Variants in TTC9 observed in about 807,000 individuals in gnomAD.
TTC9 encodes the protein tetratricopeptide repeat protein 9A.
In TTC9, 13 loss-of-function variants were observed where a neutral mutation model predicts 22.9. The observed-to-expected ratio is 0.57, with a 90% CI of 0.37 to 0.90. The LOEUF (loss-of-function observed/expected upper bound fraction) is 0.90, where lower values mean the gene tolerates loss of function less well. Among genes scored for constraint, TTC9 ranks in the 40% least tolerant of loss-of-function variants. The pLI, the probability that TTC9 is intolerant of heterozygous loss-of-function variation, is 0.01. For synonymous variants in TTC9, 148 were observed against 133.2 expected, an observed-to-expected ratio of 1.11 and a Z score of -0.77; for missense variants, 280 against 291.8, an observed-to-expected ratio of 0.96 and a Z score of 0.29.
chr14:70,642,027 G>A lies in TTC9; in HGVS notation c.-103G>A. 1 of 808,996 alleles carries A rather than the reference G, an allele frequency of 1.2e-6. No individual in the cohort carries two copies. Among genetic ancestry groups the A allele is most frequent in the Non-Finnish European group, 1.5e-6 (1 of 664,644 alleles). 50.1% of individuals were successfully genotyped at this position (808,996 alleles called of 1,614,324 possible). A position where few individuals can be genotyped will look rare whatever the true frequency, so the allele number is the denominator to read the frequency against. Reference sequence around the variant, plus strand: ...GTCACGGCCGCCACGAAGCCTGCGAGGCGCGGGGCCGGCGCCCGCGGCTTT... The same window carrying A: ...GTCACGGCCGCCACGAAGCCTGCGAAGCGCGGGGCCGGCGCCCGCGGCTTT... On this transcript the variant is annotated 5_prime_UTR_variant, in exon 1 of 3. Transcript: ENST00000256367.
chr14:70,670,429 G>A (rs1235430431), intron 2 of TTC9, among the ~76,000 whole-genome samples: 2 of 152,118 alleles, frequency 1.3e-5, no homozygotes, highest in African/African-American at 4.8e-5. Context: ...AGGCCAAGGT[G>A]GGCAGATCAC....
intron 1 of TTC9, among the ~76,000 whole-genome samples, chr14:70,657,411 T>C (rs1886082044): frequency 6.6e-6 from 1 of 152,030 alleles, no homozygotes; most frequent in Admixed American, 6.6e-5. Context: ...TTGGTTATGA[T>C]GAAAAGGAGA....
At chr14:70,650,259 C>T (rs938142439) in intron 1 of TTC9, among the ~76,000 whole-genome samples, 4 of 152,122 alleles carry the variant, frequency 2.6e-5, no homozygotes, top group South Asian at 4.1e-4. Context: ...CCTGTCTCTA[C>T]TAAAAATACA....
Position 70,674,054 on chromosome 14 carries a change from A to G in TTC9, c.*2899A>G, listed in dbSNP as rs1886334241. ...GCTGAATTTTCTGTGCATTTGTCCA[A>G]CAAAGGCTTTAGAGCACAAAACCAG... is the stretch of plus-strand genomic sequence containing the variant. On this transcript the variant is annotated 3_prime_UTR_variant, in exon 3 of 3. Transcript: ENST00000256367. 1.3e-5 allele frequency: 2 copies of G among 152,180 alleles called. No individual in the cohort carries two copies. The highest frequency in any genetic ancestry group is 6.5e-5 in the Admixed American group (1 of 15,268). The allele number at this position is 152,180 out of a possible 1,614,324, so 9.4% of individuals were successfully genotyped here.
chr14:70,669,085 G>T (rs1233002424), intron 2 of TTC9, among the ~76,000 whole-genome samples: 1 of 151,902 alleles, frequency 6.6e-6, no homozygotes, highest in Admixed American at 6.6e-5. Context: ...GAACCCAGGA[G>T]GCGGAGGTTG....
intron 2 of TTC9, among the ~76,000 whole-genome samples, chr14:70,670,690 C>A (rs775079175): frequency 2.0e-4 from 30 of 152,024 alleles, no homozygotes; most frequent in Non-Finnish European, 3.5e-4. Context: ...TTGTTTCTTG[C>A]AGATGGTACA....
chr14:70,667,348 A>G (rs1886229337), intron 1 of TTC9, among the ~76,000 whole-genome samples: 1 of 152,208 alleles, frequency 6.6e-6, no homozygotes, highest in Non-Finnish European at 1.5e-5. Context: ...TCAACCCATA[A>G]TACAAGGTTA....
At chr14:70,670,909 G>A (rs976769215) in intron 2 of TTC9, among the ~76,000 whole-genome samples, 167 bp from the exon 3 acceptor site, 4 of 152,078 alleles carry the variant, frequency 2.6e-5, no homozygotes, top group South Asian at 2.1e-4. Context: ...GTGAAGGAGA[G>A]GGTCGACATC....
rs772397170 is a variant in TTC9 at position 70,653,269 on chromosome 14, G to T, written c.406+10734G>T. Among the ~76,000 whole-genome samples the T allele has an allele frequency of 1.3e-3, 193 of 152,176 alleles. 5 individuals carry two copies. Among genetic ancestry groups the T allele is most frequent in the Non-Finnish European group, 4.0e-4 (27 of 68,034 alleles). ...AAATATAGGGAAAGAGAGAGGGAAA[G>T]AATGCAGCAAAGAAGGCTATGGGGA... On this transcript the variant is annotated intron_variant, in intron 1 of 2. Coordinates refer to ENST00000256367, the MANE Select transcript of TTC9 (RefSeq NM_015351.2).
chr14:70,646,002 T>A (rs1224814198), intron 1 of TTC9, among the ~76,000 whole-genome samples: 3 of 152,190 alleles, frequency 2.0e-5, no homozygotes, highest in African/African-American at 7.2e-5. Context: ...TCCAAAAGAA[T>A]AGCAAGAGGA....
rs553742132 is a variant in TTC9 at position 70,662,852 on chromosome 14, C to T, written c.407-4712C>T. ...TCCTTAATTCAAACAGAGACCAGGT[C>T]ACCACAACATGGAGAAACACTTCTC... On this transcript the variant is annotated intron_variant, in intron 1 of 2. Coordinates refer to ENST00000256367, the MANE Select transcript of TTC9 (RefSeq NM_015351.2). Among the ~76,000 whole-genome samples, 8 of 152,330 alleles carry T rather than the reference C, an allele frequency of 5.3e-5. No homozygotes were observed. The South Asian group carries it at 1.7e-3, about 32-fold the overall frequency.
rs1007935305 is a variant in TTC9, at chr14:70,671,177, G to A, written c.*22G>A. 1 of 1,610,026 alleles carries A rather than the reference G, an allele frequency of 6.2e-7. No homozygotes were observed. The highest frequency in any genetic ancestry group is 8.5e-7 in the Non-Finnish European group (1 of 1,177,180). On this transcript the variant is annotated 3_prime_UTR_variant, in exon 3 of 3. Coordinates refer to ENST00000256367, the MANE Select transcript of TTC9 (RefSeq NM_015351.2). ...GTAACCAGGAAGCAGCTCCAGAGCTGCGCCCACGCCTGACCGGGGACTTCC... is the reference window on the plus strand; with the variant it reads ...GTAACCAGGAAGCAGCTCCAGAGCTACGCCCACGCCTGACCGGGGACTTCC...
chr14:70,656,636 A>C (rs921824816), intron 1 of TTC9, among the ~76,000 whole-genome samples: 6 of 152,182 alleles, frequency 3.9e-5, no homozygotes, highest in African/African-American at 1.4e-4. Flanking sequence ...CAAAAAGAGA[A>C]CAGGATAGAA....
intron 1 of TTC9, among the ~76,000 whole-genome samples, chr14:70,662,307 G>A (rs1886154681): frequency 6.6e-6 from 1 of 151,674 alleles, no homozygotes; most frequent in Non-Finnish European, 1.5e-5. Flanking sequence ...AGCCTCCTCT[G>A]CTCATGATGA....
intron 1 of TTC9, among the ~76,000 whole-genome samples, chr14:70,659,545 G>A (rs1886116627): frequency 6.6e-6 from 1 of 152,096 alleles, no homozygotes; most frequent in Admixed American, 6.6e-5. Flanking sequence ...GCAGGAGGAG[G>A]GGAAACTTTG....
At chr14:70,649,177 C>T (rs1263817912) in intron 1 of TTC9, among the ~76,000 whole-genome samples, 1 of 152,110 alleles carries the variant, frequency 6.6e-6, no homozygotes, top group Non-Finnish European at 1.5e-5. Flanking sequence ...ACAACCACCA[C>T]CACCAAAACA....
chr14:70,663,729 T>TC (rs1272703573), intron 1 of TTC9, among the ~76,000 whole-genome samples: 1 of 152,202 alleles, frequency 6.6e-6, no homozygotes, highest in Non-Finnish European at 1.5e-5. Flanking sequence ...GGGTGTCAGC[T>TC]CATCAGCTGA....
chr14:70,663,578 A>G (rs1886172878), intron 1 of TTC9, among the ~76,000 whole-genome samples: 1 of 152,210 alleles, frequency 6.6e-6, no homozygotes, highest in Non-Finnish European at 1.5e-5. Flanking sequence ...TATACTTTAG[A>G]TCAAGGTAAG....
rs752388917 is a variant in TTC9 at position 70,642,550 on chromosome 14, G to GC, written c.406+21dup. The GC allele has an allele frequency of 1.4e-5, 22 of 1,526,120 alleles. No individual in the cohort carries two copies. The African/African-American group carries it at 1.7e-4, about 12-fold the overall frequency. 94.5% of individuals were successfully genotyped at this position (1,526,120 alleles called of 1,614,324 possible). ...CAGCCTGGCAGGTGAGCCGCGCCGC[G>GC]CCCCCCGCGCCGCGGTCCCCGTTCT... On this transcript the variant is annotated intron_variant, in intron 1 of 2. Coordinates refer to ENST00000256367, the MANE Select transcript of TTC9 (RefSeq NM_015351.2).
Sources: allele counts gnomAD v4.1 joint callset (sites outside exome capture counted in the v4.1 genomes callset), GRCh38; gene constraint gnomAD v4.1.1; transcripts MANE v1.5; gene names NCBI Gene and HGNC (gene_info 2026-07-23, HGNC 2026-07-21).